The following PCMTD1 variants were observed in gnomAD, a reference collection of about 807,000 sequenced individuals.
The protein encoded by PCMTD1 is protein-L-isoaspartate O-methyltransferase domain-containing protein 1.
A neutral mutation model predicts 37.6 loss-of-function variants in PCMTD1; 12 were observed. The observed-to-expected ratio is 0.32, with a 90% CI of 0.20 to 0.52. PCMTD1 has a LOEUF of 0.52. Ranked by LOEUF, PCMTD1 falls within the 20% of genes least tolerant of loss-of-function variation. The pLI is 0.97. For missense variants in PCMTD1, 235 were observed against 421.3 expected (o/e 0.56, Z 3.87); for synonymous variants, 117 against 135.8 (o/e 0.86, Z 0.96).
intron 1 of PCMTD1, among the ~76,000 whole-genome samples, chr8:51,897,524 A>G (rs975368816): frequency 6.6e-6 from 1 of 152,072 alleles, no homozygotes; most frequent in Non-Finnish European, 1.5e-5. Flanking sequence ...AAAATGAAAT[A>G]AAAAAAACCA....
chr8:51,883,899 A>G (rs2038827799), intron 1 of PCMTD1, among the ~76,000 whole-genome samples: 1 of 152,228 alleles, frequency 6.6e-6, no homozygotes, highest in African/African-American at 2.4e-5. Context: ...AAATAAACCC[A>G]AACAAAATAG....
In PCMTD1 at chr8:51,831,169, A is replaced by G. The variant is rs1286774701; in HGVS notation, c.706+275T>C. On this transcript the variant is annotated intron_variant, in intron 5 of 5. Transcript: ENST00000522514. Reference sequence around the variant, plus strand: ...AAAAATTAGCCAGGCGTGGCGGTGCACACCTGTAATCCCACCTACTTGGGT... The same window carrying G: ...AAAAATTAGCCAGGCGTGGCGGTGCGCACCTGTAATCCCACCTACTTGGGT... Among the ~76,000 whole-genome samples the G allele has an allele frequency of 1.6e-4, 25 of 151,974 alleles. 1 individual carries two copies. The highest frequency in any genetic ancestry group is 3.2e-4 in the Non-Finnish European group (22 of 67,990).
chr8:51,849,848 C>T, intron 2 of PCMTD1: 2 of 528,054 alleles, frequency 3.8e-6, no homozygotes, highest in Non-Finnish European at 6.7e-6. Context: ...TATGTTCGCC[C>T]CTTGTAATGT....
At chr8:51,870,270 G>C (rs10095651) in intron 1 of PCMTD1, 104,631 of 152,158 alleles carry the variant, frequency 0.69, 42,427 homozygotes, top group Non-Finnish European at 0.9. Flanking sequence ...GGAAAACACA[G>C]TATGTTTGAA....
At chr8:51,867,884 G>A (rs1341737668) in intron 1 of PCMTD1, among the ~76,000 whole-genome samples, 3 of 152,010 alleles carry the variant, frequency 2.0e-5, no homozygotes, top group Non-Finnish European at 4.4e-5. Flanking sequence ...GGAGAAATAC[G>A]CTTTAGTAAT....
intron 1 of PCMTD1, among the ~76,000 whole-genome samples, chr8:51,897,855 C>T (rs931456522): frequency 4.6e-5 from 7 of 151,926 alleles, no homozygotes; most frequent in African/African-American, 1.7e-4. Flanking sequence ...GAGGAATATC[C>T]ATGATGCATT....
intron 1 of PCMTD1, among the ~76,000 whole-genome samples, chr8:51,894,861 T>C (rs77003298): frequency 0.045 from 6,828 of 151,592 alleles, 174 homozygotes; most frequent in African/African-American, 0.075. Context: ...TGAGTCTAGA[T>C]GACTAAGAAA....
chr8:51,820,066 G>A lies in PCMTD1; in HGVS notation c.*285C>T, dbSNP rs562640208. On this transcript the variant is annotated 3_prime_UTR_variant, in exon 6 of 6. Transcript: ENST00000522514. The stretch of plus-strand genomic sequence containing the variant: ...ATCACTACAAATCTGTAAGGAATCA[G>A]AAAAGGATTTATAGTACACAAGTCT... The A allele has an allele frequency of 9.6e-6, 2 of 208,668 alleles. No homozygotes were observed. The highest frequency in any genetic ancestry group is 5.7e-5 in the Admixed American group (1 of 17,680). The allele number at this position is 208,668 out of a possible 1,614,324, so 12.9% of individuals were successfully genotyped here.
At chr8:51,888,003 A>G (rs973687823) in intron 1 of PCMTD1, among the ~76,000 whole-genome samples, 3 of 152,122 alleles carry the variant, frequency 2.0e-5, no homozygotes, top group Non-Finnish European at 4.4e-5. Context: ...TCGGCCTCCA[A>G]AAGTGCTGGG....
intron 1 of PCMTD1, among the ~76,000 whole-genome samples, chr8:51,869,641 C>CAA (rs2038610189): frequency 6.6e-6 from 1 of 151,958 alleles, no homozygotes; most frequent in African/African-American, 2.4e-5. Context: ...TAGGAGTGTT[C>CAA]AAGTCCTGCA....
At chr8:51,891,502 G>C (rs978952802) in intron 1 of PCMTD1, among the ~76,000 whole-genome samples, 1 of 151,908 alleles carries the variant, frequency 6.6e-6, no homozygotes, top group African/African-American at 2.4e-5. Flanking sequence ...GATGCAGTGA[G>C]CCGAGATCGC....
chr8:51,898,994 C>G lies in PCMTD1; in HGVS notation c.-160G>C. On this transcript the variant is annotated 5_prime_UTR_variant, in exon 1 of 6. Coordinates refer to ENST00000522514, the MANE Select transcript of PCMTD1 (RefSeq NM_052937.4). ...CTCGGCGGGGTCCGCAGCAGCCAGA[C>G]GCCGCTACCACCACAATAACAACAC... is the stretch of plus-strand genomic sequence containing the variant. The G allele has an allele frequency of 6.6e-7, 1 of 1,507,838 alleles. No homozygotes were observed. Among genetic ancestry groups the G allele is most frequent in the Non-Finnish European group, 8.8e-7 (1 of 1,135,214 alleles). The allele number at this position is 1,507,838 out of a possible 1,614,324, so 93.4% of individuals were successfully genotyped here. A position where few individuals can be genotyped will look rare whatever the true frequency, so the allele number is the denominator to read the frequency against.
chr8:51,887,931 G>A (rs1003494910), intron 1 of PCMTD1, among the ~76,000 whole-genome samples: 3 of 151,966 alleles, frequency 2.0e-5, no homozygotes, highest in African/African-American at 7.3e-5. Context: ...TTTTAGTAGA[G>A]ACGGAGTTTC....
At chr8:51,848,748 CAATATA>C (rs1438288715) in intron 2 of PCMTD1, among the ~76,000 whole-genome samples, 1 of 151,936 alleles carries the variant, frequency 6.6e-6, no homozygotes, top group African/African-American at 2.4e-5. Flanking sequence ...ATTTGACAAA[CAATATA>C]AATATACATG....
rs2037784575 is a variant in PCMTD1, at chr8:51,818,040, T to C, written c.*2311A>G. On this transcript the variant is annotated 3_prime_UTR_variant, in exon 6 of 6. Transcript: ENST00000522514. ...CTTTTACTTAATCTTTATTTGCTACTTTTCCACCTATAAAGCGTAATTTTC... is the reference window on the plus strand; with the variant it reads ...CTTTTACTTAATCTTTATTTGCTACCTTTCCACCTATAAAGCGTAATTTTC... 1.4e-5 allele frequency: 6 copies of C among 435,890 alleles called. No individual in the cohort carries two copies. Among genetic ancestry groups the C allele is most frequent in the Admixed American group, 2.5e-5 (1 of 40,230 alleles). The allele number at this position is 435,890 out of a possible 1,614,324, so 27.0% of individuals were successfully genotyped here.
intron 1 of PCMTD1, among the ~76,000 whole-genome samples, chr8:51,877,571 ATTTTGCTTTTAAG>A (rs141626044): frequency 0.11 from 16,603 of 152,236 alleles, 1,239 homozygotes; most frequent in East Asian, 0.17. Context: ...CTTTGAATTA[ATTTTGCTTTTAAG>A]AGAAGTTACT....
chr8:51,874,865 T>C (rs1016158445), intron 1 of PCMTD1, among the ~76,000 whole-genome samples: 1 of 152,178 alleles, frequency 6.6e-6, no homozygotes, highest in Admixed American at 6.5e-5. Flanking sequence ...AGTATGAGGA[T>C]TCAGGGACCA....
intron 2 of PCMTD1, among the ~76,000 whole-genome samples, chr8:51,851,798 G>A (rs2038311834): frequency 6.6e-6 from 1 of 152,002 alleles, no homozygotes; most frequent in Non-Finnish European, 1.5e-5. Context: ...TTACAGGCAT[G>A]AGCCACCACG....
intron 5 of PCMTD1, chr8:51,827,462 G>A (rs1164548378): frequency 2.7e-6 from 1 of 366,920 alleles, no homozygotes; most frequent in East Asian, 1.0e-4. Flanking sequence ...TATCCTGCCT[G>A]GGATGTGAAT....
Sources: allele counts gnomAD v4.1 joint callset (sites outside exome capture counted in the v4.1 genomes callset), GRCh38; gene constraint gnomAD v4.1.1; transcripts MANE v1.5; gene names NCBI Gene and HGNC (gene_info 2026-07-23, HGNC 2026-07-21).